CCDC88A: variants seen among roughly 807,000 people sequenced by gnomAD.
CCDC88A encodes the protein girdin.
CCDC88A carries 54 observed loss-of-function variants against 234.3 expected under a neutral mutation model. The observed-to-expected ratio is 0.23, with a 90% CI of 0.19 to 0.29. CCDC88A has a LOEUF of 0.29. Among genes scored for constraint, CCDC88A ranks in the 10% least tolerant of loss-of-function variants. CCDC88A has a pLI of 1.00. For missense variants in CCDC88A, 1,832 were observed against 2,123.4 expected, an observed-to-expected ratio of 0.86 and a Z score of 2.70; for synonymous variants, 753 against 737.8, an observed-to-expected ratio of 1.02 and a Z score of -0.33.
intron 11 of CCDC88A, 111 bp from the exon 12 acceptor site, chr2:55,343,903 T>G (rs894417580): frequency 3.2e-6 from 3 of 923,086 alleles, no homozygotes; most frequent in Admixed American, 6.7e-5. Flanking sequence ...GTAATAATTA[T>G]GAGTTCTTTA....
intron 12 of CCDC88A, among the ~76,000 whole-genome samples, chr2:55,340,874 A>G (rs1176471696): frequency 1.3e-5 from 2 of 152,138 alleles, no homozygotes; most frequent in Non-Finnish European, 2.9e-5. Flanking sequence ...GTGTTTTTAA[A>G]TAGTCACTAT....
At chr2:55,383,622 T>TAA (rs113191820) in intron 3 of CCDC88A, among the ~76,000 whole-genome samples, 487 of 137,344 alleles carry the variant, frequency 3.5e-3, no homozygotes, top group African/African-American at 0.011. Context: ...GACTCCGTCT[T>TAA]AAAAAAAAAA....
chr2:55,333,194 T>TC (rs750202106), intron 15 of CCDC88A, among the ~76,000 whole-genome samples: 2 of 152,160 alleles, frequency 1.3e-5, no homozygotes, highest in South Asian at 4.1e-4. Context: ...AAAAGGTCCC[T>TC]CTCAATGCTT....
In CCDC88A at chr2:55,317,028, C is replaced by T. The variant is rs1214375308; in HGVS notation, c.3746+178G>A. 4.7e-6 allele frequency: 1 copy of T among 211,564 alleles called. No homozygotes were observed. The highest frequency in any genetic ancestry group is 2.3e-5 in the African/African-American group (1 of 43,106). The allele number at this position is 211,564 out of a possible 1,614,324, so 13.1% of individuals were successfully genotyped here. On this transcript the variant is annotated intron_variant, in intron 21 of 32. Coordinates refer to ENST00000436346, the MANE Select transcript of CCDC88A (RefSeq NM_001365480.1). This position sits in a 1 kb window ranked among gnomAD's most constrained non-coding sequence, Gnocchi z 4.2. The stretch of plus-strand genomic sequence containing the variant: ...GGAATTACAGGTGTGAGCCACTGCA[C>T]CCAGCCTATTCTATTTTTTAAAATT...
At chr2:55,383,593 AGCC>A (rs1674968051) in intron 3 of CCDC88A, among the ~76,000 whole-genome samples, 3 of 150,880 alleles carry the variant, frequency 2.0e-5, no homozygotes, top group Non-Finnish European at 1.5e-5. Flanking sequence ...ACTGCACTCC[AGCC>A]TGGGCAACAA....
At chr2:55,380,842 C>A (rs1674469976) in intron 3 of CCDC88A, among the ~76,000 whole-genome samples, 1 of 152,124 alleles carries the variant, frequency 6.6e-6, no homozygotes, top group South Asian at 2.1e-4. Flanking sequence ...GTCTCAAACT[C>A]CTGACCTCAA....
Position 55,334,941 on chromosome 2 carries a change from G to A in CCDC88A, c.1880C>T (p.Ala627Val). The A allele has an allele frequency of 1.3e-6, 2 of 1,548,136 alleles. No individual in the cohort carries two copies. The highest frequency in any genetic ancestry group is 1.8e-6 in the Non-Finnish European group (2 of 1,139,676). ...ATGCAATTCATTTTCAAGTTCTTCA[G>A]CTCGTTCTCCTTTTTCTTTATAATG... ...LEHYKEKGER[A>V]EELENELHHL... The change falls in exon 15 of 33, where the codon GCT becomes GTT. Residue 627 changes from alanine (A) to valine (V), a missense_variant. Physicochemically the swap from Ala to Val is moderately conservative, Grantham distance 64 (BLOSUM62 0). Coordinates refer to ENST00000436346, the MANE Select transcript of CCDC88A (RefSeq NM_001365480.1). The surrounding 1 kb of genome is among the most constrained non-coding windows in gnomAD (Gnocchi z 6.1).
intron 2 of CCDC88A, among the ~76,000 whole-genome samples, chr2:55,408,068 G>C (rs756114935): frequency 6.6e-6 from 1 of 151,810 alleles, no homozygotes; most frequent in Non-Finnish European, 1.5e-5. Flanking sequence ...GTTAAATCAA[G>C]AGATCATAGT....
chr2:55,417,677 A>G (rs192065531), intron 2 of CCDC88A: 17 of 152,222 alleles, frequency 1.1e-4, no homozygotes, highest in Admixed American at 4.6e-4. Flanking sequence ...CAACATGTAC[A>G]TGAAAAACAG....
At chr2:55,381,974 A>G (rs144516445) in intron 3 of CCDC88A, among the ~76,000 whole-genome samples, 483 of 152,332 alleles carry the variant, frequency 3.2e-3, no homozygotes, top group African/African-American at 0.011. Flanking sequence ...ATACTATTAC[A>G]TATCTGTCAG....
intron 2 of CCDC88A, among the ~76,000 whole-genome samples, chr2:55,406,613 G>A (rs975816055): frequency 2.0e-5 from 3 of 152,064 alleles, no homozygotes; most frequent in African/African-American, 7.2e-5. Flanking sequence ...AAAATATTTA[G>A]CCGGGTGTGG....
chr2:55,365,583 C>T (rs1395597213), intron 5 of CCDC88A, among the ~76,000 whole-genome samples: 1 of 152,128 alleles, frequency 6.6e-6, no homozygotes, highest in African/African-American at 2.4e-5. Context: ...TCTTTAGGAG[C>T]TCGTCCTTTA....
At chr2:55,381,552 C>A (rs1339007019) in intron 3 of CCDC88A, among the ~76,000 whole-genome samples, 879 of 93,270 alleles carry the variant, frequency 9.4e-3, no homozygotes, top group East Asian at 0.015. Context: ...GACCCTGTCT[C>A]AAAAAAAAAA....
chr2:55,374,744 GT>G, intron 4 of CCDC88A, 69 bp downstream of exon 4: 1 of 919,612 alleles, frequency 1.1e-6, no homozygotes, highest in Non-Finnish European at 1.7e-6. Context: ...TAAGCTCTTA[GT>G]AAAAAATAAA....
chr2:55,323,144 A>T (rs1387581771), intron 17 of CCDC88A: 2 of 152,260 alleles, frequency 1.3e-5, no homozygotes, highest in African/African-American at 4.8e-5. Flanking sequence ...ACACTAGAAA[A>T]TCCTGGATAA....
Position 55,335,530 on chromosome 2 carries a change from A to G in CCDC88A, c.1657-366T>C, listed in dbSNP as rs1023950651. Among the ~76,000 whole-genome samples the G allele has an allele frequency of 6.6e-5, 10 of 152,224 alleles. No homozygotes were observed. The highest frequency in any genetic ancestry group is 2.2e-4 in the African/African-American group (9 of 41,466). ...CACACACACATACCTCCTTGAGAAC[A>G]TAAGGTTCTACTTTTACTAAGTAAC... On this transcript the variant is annotated intron_variant, in intron 14 of 32. Coordinates refer to ENST00000436346, the MANE Select transcript of CCDC88A (RefSeq NM_001365480.1). The surrounding 1 kb of genome is among the most constrained non-coding windows in gnomAD (Gnocchi z 4.5).
At chr2:55,384,003 G>C (rs755020588) in intron 3 of CCDC88A, among the ~76,000 whole-genome samples, 1 of 152,038 alleles carries the variant, frequency 6.6e-6, no homozygotes, top group African/African-American at 2.4e-5. Context: ...CCATGCCACT[G>C]CACTCCAGCA....
At position 55,308,942 on chromosome 2, in the gene CCDC88A, T is replaced by A. The variant is rs878891256; in HGVS notation, c.4254A>T (p.Leu1418=). ...AGTCTGAGCGGGTGGGTGTTAATGT[T>A]AGAGATTTCTGGCGTTCCCGATTAA... ...KDINRERQKS[L]TLTPTRSDSS... Residue 1418 remains leucine (L), a synonymous_variant, in exon 25 of 33, where the codon CTA becomes CTT. Coordinates refer to ENST00000436346, the MANE Select transcript of CCDC88A (RefSeq NM_001365480.1). The A allele has an allele frequency of 3.1e-6, 5 of 1,614,068 alleles. No homozygotes were observed. In the Admixed American group the frequency reaches 8.3e-5, roughly 27 times the overall value.
rs1274803404 is a variant in CCDC88A, at chr2:55,328,689, T to G, written c.2856-254A>C. 1 of 259,434 alleles carries G rather than the reference T, an allele frequency of 3.9e-6. No homozygotes were observed. Among genetic ancestry groups the G allele is most frequent in the East Asian group, 7.6e-5 (1 of 13,216 alleles). The allele number at this position is 259,434 out of a possible 1,614,324, so 16.1% of individuals were successfully genotyped here. A position where few individuals can be genotyped will look rare whatever the true frequency, so the allele number is the denominator to read the frequency against. On this transcript the variant is annotated intron_variant, in intron 16 of 32. Coordinates refer to ENST00000436346, the MANE Select transcript of CCDC88A (RefSeq NM_001365480.1). This position sits in a 1 kb window ranked among gnomAD's most constrained non-coding sequence, Gnocchi z 4.3. ...GATTATCAAAAGCAATAATTAATTC[T>G]CAAGGAACCCGGAAGACCAAAGTCC...
Sources: allele counts gnomAD v4.1 joint callset (sites outside exome capture counted in the v4.1 genomes callset), GRCh38; gene constraint gnomAD v4.1.1; non-coding constraint Gnocchi (gnomAD v3.1); transcripts MANE v1.5; gene names NCBI Gene and HGNC (gene_info 2026-07-23, HGNC 2026-07-21).